Variants in ANKRD22 observed in about 807,000 individuals in gnomAD.
ANKRD22 encodes the protein ankyrin repeat domain 22, also known as ankyrin repeat domain-containing protein 22.
Under a neutral mutation model 25.7 loss-of-function variants are expected in ANKRD22, and 24 were observed. The ratio of observed to expected loss-of-function variants is 0.93; its 90% confidence interval spans 0.68 to 1.31. The LOEUF (loss-of-function observed/expected upper bound fraction) is 1.31. Among genes scored for constraint, ANKRD22 ranks in the 50% most tolerant of loss-of-function variants. The pLI is 0.00. For missense variants in ANKRD22, 214 were observed against 227.1 expected (o/e 0.94, Z 0.37); for synonymous variants, 84 against 84.3 (o/e 1.00, Z 0.02).
chr10:88,822,706 T>C lies in ANKRD22; in HGVS notation c.*235A>G, dbSNP rs889999025. On this transcript the variant is annotated 3_prime_UTR_variant, in exon 6 of 6. Coordinates refer to ENST00000371930, the MANE Select transcript of ANKRD22 (RefSeq NM_144590.3). ...CTGAAACATCAGTTTCTGACTGAAG[T>C]GGAGACTACAACAACTTTAGTGTTT... The C allele has an allele frequency of 1.3e-5, 6 of 454,288 alleles. No homozygotes were observed. The East Asian group carries it at 2.6e-4, about 20-fold the overall frequency. The allele number at this position is 454,288 out of a possible 1,614,324, so 28.1% of individuals were successfully genotyped here.
Position 88,826,021 on chromosome 10 carries a change from T to TA in ANKRD22, c.399+16dup. On this transcript the variant is annotated intron_variant, in intron 4 of 5. Transcript: ENST00000371930. ...ATTTTGAATATTTTTTCAAAATGGC[T>TA]AAAAGTATAAACTTACACAATCTGT... 6.3e-7 allele frequency: 1 copy of TA among 1,595,248 alleles called. No homozygotes were observed. Among genetic ancestry groups the TA allele is most frequent in the Non-Finnish European group, 8.6e-7 (1 of 1,167,272 alleles).
chr10:88,839,686 C>A (rs1843986628), intron 1 of ANKRD22, among the ~76,000 whole-genome samples: 1 of 152,056 alleles, frequency 6.6e-6, no homozygotes, highest in Non-Finnish European at 1.5e-5. Flanking sequence ...GTCAAGCACC[C>A]AGAACATGGA....
intron 1 of ANKRD22, among the ~76,000 whole-genome samples, chr10:88,836,201 T>C (rs988063366): frequency 1.3e-5 from 2 of 152,116 alleles, no homozygotes; most frequent in African/African-American, 4.8e-5. Flanking sequence ...TAAATAAAGG[T>C]ATGTGTGTTA....
chr10:88,823,235 T>C, intron 5 of ANKRD22, 45 bp downstream of exon 5: 1 of 1,505,466 alleles, frequency 6.6e-7, no homozygotes, highest in East Asian at 2.3e-5. Flanking sequence ...GATTAGAAGA[T>C]GCTGCTGCTA....
intron 3 of ANKRD22, among the ~76,000 whole-genome samples, chr10:88,827,737 C>G (rs569868038): frequency 6.6e-6 from 1 of 152,100 alleles, no homozygotes. Context: ...ACATTTTTGA[C>G]GGGCAGACTT....
Position 88,822,544 on chromosome 10 carries a change from C to CTTTTTTTTTTTTTTTTTGTT in ANKRD22, c.*396_*397insAACAAAAAAAAAAAAAAAAA, listed in dbSNP as rs1843809037. The CTTTTTTTTTTTTTTTTTGTT allele has an allele frequency of 5.5e-5, 2 of 36,438 alleles. 1 individual carries two copies. Among genetic ancestry groups the CTTTTTTTTTTTTTTTTTGTT allele is most frequent in the South Asian group, 2.7e-3 (2 of 754 alleles). The allele number at this position is 36,438 out of a possible 1,614,324, so 2.3% of individuals were successfully genotyped here. A position where few individuals can be genotyped will look rare whatever the true frequency, so the allele number is the denominator to read the frequency against. On this transcript the variant is annotated 3_prime_UTR_variant, in exon 6 of 6. Coordinates refer to ENST00000371930, the MANE Select transcript of ANKRD22 (RefSeq NM_144590.3). ...AAAGACTGAGTTTGGAACACCAGGG[C>CTTTTTTTTTTTTTTTTTGTT]TTTTTTTTTTTTTTTTTTTTTTGAG...
chr10:88,849,674 G>A (rs1232052625), intron 1 of ANKRD22, among the ~76,000 whole-genome samples: 2 of 152,066 alleles, frequency 1.3e-5, no homozygotes, highest in Non-Finnish European at 2.9e-5. Context: ...TTAAAATAGG[G>A]CCTAATCTAT....
rs1266323015 is a variant in ANKRD22, at chr10:88,820,464, C to G, written c.*2477G>C. ...ATCCATCTGATGCAGCAGGAGGAGACCAACCTTTCCCAGGGACGGTGTGAG... is the reference window on the plus strand; with the variant it reads ...ATCCATCTGATGCAGCAGGAGGAGAGCAACCTTTCCCAGGGACGGTGTGAG... On this transcript the variant is annotated 3_prime_UTR_variant, in exon 6 of 6. Coordinates refer to ENST00000371930, the MANE Select transcript of ANKRD22 (RefSeq NM_144590.3). The G allele has an allele frequency of 6.4e-7, 1 of 1,551,524 alleles. No individual in the cohort carries two copies.
intron 1 of ANKRD22, among the ~76,000 whole-genome samples, chr10:88,847,734 A>G (rs1053102182): frequency 1.3e-5 from 2 of 151,944 alleles, no homozygotes; most frequent in African/African-American, 4.8e-5. Flanking sequence ...TTTACATCAC[A>G]GAGTAGAGAA....
chr10:88,821,861 A>G lies in ANKRD22; in HGVS notation c.*1080T>C, dbSNP rs1843799317. Among the ~76,000 whole-genome samples the G allele has an allele frequency of 6.6e-6, 1 of 152,216 alleles. No individual in the cohort carries two copies. The highest frequency in any genetic ancestry group is 1.9e-4 in the East Asian group (1 of 5,200). The stretch of plus-strand genomic sequence containing the variant: ...AGTGAATTTATTTCTACTCTGTGTC[A>G]TTCACAGAAGAAGTGAGACAGATAT... On this transcript the variant is annotated 3_prime_UTR_variant, in exon 6 of 6. Transcript: ENST00000371930.
intron 1 of ANKRD22, among the ~76,000 whole-genome samples, chr10:88,847,661 T>C (rs1217722328): frequency 6.6e-6 from 1 of 152,108 alleles, no homozygotes; most frequent in African/African-American, 2.4e-5. Flanking sequence ...ATGCTTCCTT[T>C]TTTTTTCTTA....
At chr10:88,848,457 G>T (rs1844074026) in intron 1 of ANKRD22, among the ~76,000 whole-genome samples, 1 of 152,102 alleles carries the variant, frequency 6.6e-6, no homozygotes, top group Admixed American at 6.6e-5. Context: ...CAGTTGGGAT[G>T]AAAACGCCTG....
chr10:88,841,598 A>G (rs1844004335), intron 1 of ANKRD22, among the ~76,000 whole-genome samples: 1 of 152,190 alleles, frequency 6.6e-6, no homozygotes, highest in South Asian at 2.1e-4. Flanking sequence ...AAAGTAAGTT[A>G]TAATGGAGAC....
chr10:88,850,670 G>A (rs1303462719), intron 1 of ANKRD22, among the ~76,000 whole-genome samples: 1 of 152,098 alleles, frequency 6.6e-6, no homozygotes, highest in East Asian at 1.9e-4. Flanking sequence ...TATATGTTTT[G>A]TCATTTTCAT....
intron 4 of ANKRD22, among the ~76,000 whole-genome samples, chr10:88,825,809 C>T (rs7894519): frequency 0.33 from 50,170 of 151,856 alleles, 8,860 homozygotes; most frequent in East Asian, 0.44. Flanking sequence ...AACATTAAAG[C>T]CAATTATTTT....
chr10:88,837,350 T>C (rs1162644914), intron 1 of ANKRD22, among the ~76,000 whole-genome samples: 1 of 152,226 alleles, frequency 6.6e-6, no homozygotes, highest in African/African-American at 2.4e-5. Context: ...TAATGTTAGC[T>C]ACTCTTATAA....
In ANKRD22 at chr10:88,831,977, C is replaced by T. The variant is rs758113752; in HGVS notation, c.71G>A (p.Trp24Ter). ...GGCATAGCTGCTGTCTTCTTTCACC[C>T]ACCGCCACACTTGTCCAAAGTCATT... ...YQNDFGQVWR[W>*]VKEDSSYANV... The change falls in exon 2 of 6, where the codon TGG becomes TAG. Residue 24 changes from tryptophan to a stop codon, truncating the protein, a stop_gained. Coordinates refer to ENST00000371930, the MANE Select transcript of ANKRD22 (RefSeq NM_144590.3). LOFTEE classifies it high-confidence loss of function. 10 of 1,613,740 alleles carry T rather than the reference C, an allele frequency of 6.2e-6. No individual in the cohort carries two copies. The highest frequency in any genetic ancestry group is 8.5e-6 in the Non-Finnish European group (10 of 1,179,856).
At chr10:88,826,337 A>G (rs1843856025) in intron 3 of ANKRD22, among the ~76,000 whole-genome samples, 1 of 152,138 alleles carries the variant, frequency 6.6e-6, no homozygotes, top group Admixed American at 6.5e-5. Flanking sequence ...ACACCTAAGA[A>G]CCTTAGAAAT....
chr10:88,830,341 G>T (rs1412631963), intron 2 of ANKRD22, among the ~76,000 whole-genome samples: 1 of 152,096 alleles, frequency 6.6e-6, no homozygotes, highest in Admixed American at 6.6e-5. Flanking sequence ...CAAAAACAAG[G>T]ATCTTTATGT....
Sources: gnomAD v4.1 joint callset for allele counts (sites outside exome capture counted in the v4.1 genomes callset) on GRCh38, gnomAD v4.1.1 for gene constraint, MANE v1.5 for transcripts, NCBI Gene and HGNC (gene_info 2026-07-23, HGNC 2026-07-21) for gene names.